Variants in PLCL1 observed in about 807,000 individuals in gnomAD.
PLCL1 encodes the protein phospholipase C like 1 (inactive).
A neutral mutation model predicts 84.4 loss-of-function variants in PLCL1; 41 were observed. That is an observed-to-expected ratio of 0.49 (90% CI 0.38 to 0.63). The LOEUF is 0.63. Ranked by LOEUF, PLCL1 falls within the 30% of genes least tolerant of loss-of-function variation. The pLI is 0.00. For synonymous variants in PLCL1, 490 were observed against 488.3 expected (o/e 1.00, Z -0.05); for missense variants, 1,206 against 1,367.8 (o/e 0.88, Z 1.87).
At chr2:198,111,052 G>A (rs189433590) in intron 5 of PLCL1, among the ~76,000 whole-genome samples, 149 of 151,890 alleles carry the variant, frequency 9.8e-4, no homozygotes, top group Admixed American at 2.5e-3. Context: ...GTGTACAGAC[G>A]CTGCAGCCAG....
At chr2:198,041,116 T>C (rs1276896096) in intron 1 of PLCL1, among the ~76,000 whole-genome samples, 1 of 152,174 alleles carries the variant, frequency 6.6e-6, no homozygotes, top group Admixed American at 6.5e-5. Context: ...TAGATCAGCA[T>C]CTCTCTAAAA....
intron 5 of PLCL1, among the ~76,000 whole-genome samples, chr2:198,130,396 G>C: frequency 6.6e-6 from 1 of 152,118 alleles, no homozygotes; most frequent in Non-Finnish European, 1.5e-5. Context: ...TTCTGTCCCT[G>C]GGGGACACAG....
intron 5 of PLCL1, among the ~76,000 whole-genome samples, chr2:198,128,058 G>A (rs1694032790): frequency 6.6e-6 from 1 of 152,172 alleles, no homozygotes; most frequent in Non-Finnish European, 1.5e-5. Flanking sequence ...AGTACTAGAA[G>A]TAGAGGCTTT....
At chr2:198,019,551 T>C (rs982561509) in intron 1 of PLCL1, among the ~76,000 whole-genome samples, 4 of 152,292 alleles carry the variant, frequency 2.6e-5, no homozygotes, top group East Asian at 1.9e-4. Context: ...AACGACCTGA[T>C]GAAGCTGAAA....
chr2:197,929,373 C>A (rs1369542670), intron 1 of PLCL1, among the ~76,000 whole-genome samples: 1 of 152,134 alleles, frequency 6.6e-6, no homozygotes, highest in Non-Finnish European at 1.5e-5. Context: ...GCAGCATGCT[C>A]CTTAACTGTT....
intron 1 of PLCL1, among the ~76,000 whole-genome samples, chr2:198,004,914 C>T (rs1690692409): frequency 6.6e-6 from 1 of 152,104 alleles, no homozygotes; most frequent in South Asian, 2.1e-4. Context: ...TTAAAAAGGT[C>T]CAACTTAGCC....
At chr2:197,836,856 G>A (rs560968066) in intron 1 of PLCL1, among the ~76,000 whole-genome samples, 12 of 152,140 alleles carry the variant, frequency 7.9e-5, no homozygotes, top group Admixed American at 1.3e-4. Flanking sequence ...ACCACAGATA[G>A]CTTATTTTTT....
chr2:198,079,485 T>C (rs1006103871), intron 1 of PLCL1, among the ~76,000 whole-genome samples: 1 of 152,036 alleles, frequency 6.6e-6, no homozygotes, highest in Non-Finnish European at 1.5e-5. Flanking sequence ...TCAGACATTA[T>C]AGCATAAGAT....
At chr2:198,098,011 A>G (rs1693242638) in intron 3 of PLCL1, among the ~76,000 whole-genome samples, 1 of 152,174 alleles carries the variant, frequency 6.6e-6, no homozygotes, top group Admixed American at 6.5e-5. Context: ...CTAGTTAGCA[A>G]ATATATATGT....
chr2:197,848,592 A>C (rs1209110739), intron 1 of PLCL1, among the ~76,000 whole-genome samples: 1 of 152,212 alleles, frequency 6.6e-6, no homozygotes, highest in Non-Finnish European at 1.5e-5. Context: ...CATTGTGAAC[A>C]AAAGAAGGAG....
chr2:198,021,946 G>T (rs1339135887), intron 1 of PLCL1, among the ~76,000 whole-genome samples: 1 of 152,078 alleles, frequency 6.6e-6, no homozygotes, highest in African/African-American at 2.4e-5. Context: ...GAAAACTTCA[G>T]GCCAATGTTC....
intron 1 of PLCL1, among the ~76,000 whole-genome samples, chr2:197,856,726 G>C (rs1168430697): frequency 1.3e-5 from 2 of 152,034 alleles, no homozygotes; most frequent in East Asian, 1.9e-4. Flanking sequence ...TCATTGATTT[G>C]TTTCCAAGTT....
At chr2:197,837,420 G>C (rs559120753) in intron 1 of PLCL1, among the ~76,000 whole-genome samples, 2 of 152,204 alleles carry the variant, frequency 1.3e-5, no homozygotes, top group Non-Finnish European at 2.9e-5. Flanking sequence ...GTCTCTGTCT[G>C]CTTAGCCGTT....
At chr2:198,110,831 C>T (rs993195896) in intron 5 of PLCL1, among the ~76,000 whole-genome samples, 5 of 151,734 alleles carry the variant, frequency 3.3e-5, no homozygotes, top group African/African-American at 1.2e-4. Context: ...GAGAACTTTT[C>T]CAGTGGTGTC....
At chr2:197,915,564 T>C (rs1210715956) in intron 1 of PLCL1, among the ~76,000 whole-genome samples, 1 of 151,894 alleles carries the variant, frequency 6.6e-6, no homozygotes, top group Non-Finnish European at 1.5e-5. Context: ...GGATGTGAGA[T>C]TCCCAGTTCA....
chr2:198,055,535 A>C, intron 1 of PLCL1, among the ~76,000 whole-genome samples: 1 of 120,994 alleles, frequency 8.3e-6, no homozygotes, highest in South Asian at 2.7e-4. Context: ...TTTTTTTTTC[A>C]ACTCTGAGTG....
intron 1 of PLCL1, among the ~76,000 whole-genome samples, chr2:198,044,630 T>G (rs919668296): frequency 3.9e-4 from 60 of 152,202 alleles, no homozygotes; most frequent in Admixed American, 1.0e-3. Context: ...TATGATTAAT[T>G]TAGTAAGACT....
At chr2:197,923,377 C>G (rs1032199920) in intron 1 of PLCL1, among the ~76,000 whole-genome samples, 2 of 144,472 alleles carry the variant, frequency 1.4e-5, no homozygotes, top group African/African-American at 5.1e-5. Context: ...AGCTGCCGGT[C>G]GGAGGGTCTC....
chr2:197,934,862 G>A (rs1559049809), intron 1 of PLCL1, among the ~76,000 whole-genome samples: 1 of 152,120 alleles, frequency 6.6e-6, no homozygotes, highest in Non-Finnish European at 1.5e-5. Flanking sequence ...CTATAGAATA[G>A]GAGAAAATAT....
Sources: allele counts gnomAD v4.1 joint callset (sites outside exome capture counted in the v4.1 genomes callset), GRCh38; gene constraint gnomAD v4.1.1; transcripts MANE v1.5; gene names NCBI Gene and HGNC (gene_info 2026-07-23, HGNC 2026-07-21).